The following MARCHF1 variants were observed in gnomAD, a reference collection of about 807,000 sequenced individuals.
MARCHF1 encodes the protein E3 ubiquitin-protein ligase MARCHF1.
MARCHF1 carries 40 observed loss-of-function variants against 54.2 expected under a neutral mutation model. The observed-to-expected ratio is 0.74, with a 90% CI of 0.57 to 0.96. MARCHF1 has a LOEUF of 0.96. Ranked by LOEUF, MARCHF1 falls within the 40% of genes least tolerant of loss-of-function variation. The pLI is 0.00. For synonymous variants in MARCHF1, 236 were observed against 236.3 expected (o/e 1.00, Z 0.01); for missense variants, 586 against 656.5 (o/e 0.89, Z 1.17).
intron 8 of MARCHF1, among the ~76,000 whole-genome samples, chr4:163,557,494 T>C (rs1353547316): frequency 6.6e-6 from 1 of 152,132 alleles, no homozygotes; most frequent in Non-Finnish European, 1.5e-5. Context: ...GGTGTGTTTT[T>C]TTGTAATGAT....
chr4:163,627,898 T>G (rs963978826), intron 5 of MARCHF1, among the ~76,000 whole-genome samples: 1 of 151,858 alleles, frequency 6.6e-6, no homozygotes, highest in Non-Finnish European at 1.5e-5. Context: ...AAAATGAATC[T>G]CAACCCTTAC....
chr4:163,733,209 A>ACACATG (rs1326898710), intron 4 of MARCHF1, among the ~76,000 whole-genome samples: 9 of 35,742 alleles, frequency 2.5e-4, no homozygotes, highest in African/African-American at 6.5e-4. Flanking sequence ...ATATATATAT[A>ACACATG]TATATATATA....
At chr4:163,599,367 C>T (rs375378678) in intron 7 of MARCHF1, among the ~76,000 whole-genome samples, 1 of 151,714 alleles carries the variant, frequency 6.6e-6, no homozygotes, top group South Asian at 2.1e-4. Context: ...AAAACATACA[C>T]ATTAGCTTAT....
In MARCHF1 at chr4:163,612,700, G is replaced by A. The variant is rs991994139; in HGVS notation, c.581C>T (p.Pro194Leu). The change falls in exon 7 of 10, where the codon CCG becomes CTG. Residue 194 changes from proline (P) to leucine (L), a missense_variant. Coordinates refer to ENST00000514618, the MANE Select transcript of MARCHF1 (RefSeq NM_001394959.1). ...SRRRRRNNNK[P>L]CENLAGSSTP... Reference sequence around the variant, plus strand: ...GGAAGACCCAGCTAAGTTTTCACACGGCTTATTATTATTTCTCCTCCTTCT... The same window carrying A: ...GGAAGACCCAGCTAAGTTTTCACACAGCTTATTATTATTTCTCCTCCTTCT... 27 of 1,535,316 alleles carry A rather than the reference G, an allele frequency of 1.8e-5. No individual in the cohort carries two copies. Among genetic ancestry groups the A allele is most frequent in the African/African-American group, 2.7e-5 (2 of 72,948 alleles).
chr4:164,166,493 C>T (rs1030732468), intron 1 of MARCHF1, among the ~76,000 whole-genome samples: 4 of 151,902 alleles, frequency 2.6e-5, no homozygotes, highest in African/African-American at 4.8e-5. Context: ...AGAAGGAAAA[C>T]ATCCCAACAT....
intron 2 of MARCHF1, among the ~76,000 whole-genome samples, chr4:164,099,824 T>C (rs11937578): frequency 0.051 from 7,829 of 152,170 alleles, 675 homozygotes; most frequent in African/African-American, 0.18. Flanking sequence ...GCTGTGAAAA[T>C]TGTGAATCTA....
At chr4:163,688,700 C>T (rs191115794) in intron 5 of MARCHF1, among the ~76,000 whole-genome samples, 120 of 151,990 alleles carry the variant, frequency 7.9e-4, no homozygotes, top group African/African-American at 2.6e-3. Context: ...AAAATCCAGA[C>T]GGAGAAAATA....
chr4:163,622,369 T>C (rs929539484), intron 5 of MARCHF1, among the ~76,000 whole-genome samples: 1 of 151,314 alleles, frequency 6.6e-6, no homozygotes, highest in African/African-American at 2.4e-5. Flanking sequence ...TATCAGGAAA[T>C]GGAAGGGGAA....
At chr4:163,960,026 A>G (rs1047429224) in intron 3 of MARCHF1, among the ~76,000 whole-genome samples, 1 of 152,062 alleles carries the variant, frequency 6.6e-6, no homozygotes, top group Non-Finnish European at 1.5e-5. Context: ...AAAAGATAAT[A>G]TACATGCGGC....
chr4:163,990,681 A>C (rs1401159147), intron 2 of MARCHF1, among the ~76,000 whole-genome samples: 1 of 152,182 alleles, frequency 6.6e-6, no homozygotes, highest in Non-Finnish European at 1.5e-5. Flanking sequence ...GGCCTGTGTG[A>C]GAAGTTCCTT....
At chr4:164,364,048 G>A (rs1265004204) in intron 1 of MARCHF1, among the ~76,000 whole-genome samples, 4 of 151,874 alleles carry the variant, frequency 2.6e-5, no homozygotes, top group South Asian at 2.1e-4. Context: ...ATTATATTGC[G>A]TAAACATCTA....
chr4:164,374,294 ATTAAT>A (rs1407966566), intron 1 of MARCHF1, among the ~76,000 whole-genome samples: 1 of 152,166 alleles, frequency 6.6e-6, no homozygotes, highest in Non-Finnish European at 1.5e-5. Flanking sequence ...TCCAATAATT[ATTAAT>A]TTAAATTGTT....
chr4:163,552,985 A>T (rs948985974), intron 8 of MARCHF1, among the ~76,000 whole-genome samples: 41 of 149,328 alleles, frequency 2.7e-4, no homozygotes, highest in African/African-American at 1.0e-3. Context: ...GTGAGCCGAG[A>T]TCGCGCCACT....
At chr4:164,315,805 C>T (rs1039123223) in intron 1 of MARCHF1, among the ~76,000 whole-genome samples, 10 of 152,166 alleles carry the variant, frequency 6.6e-5, no homozygotes, top group South Asian at 2.1e-4. Context: ...ATTTACACTA[C>T]GTTAATCATA....
intron 1 of MARCHF1, among the ~76,000 whole-genome samples, chr4:164,269,699 G>A (rs1350521948): frequency 6.6e-6 from 1 of 151,964 alleles, no homozygotes; most frequent in African/African-American, 2.4e-5. Flanking sequence ...TTCTTTGCAT[G>A]TTTGCTAGAA....
intron 4 of MARCHF1, among the ~76,000 whole-genome samples, chr4:163,844,572 G>A (rs1749432484): frequency 6.6e-6 from 1 of 152,138 alleles, no homozygotes; most frequent in Admixed American, 6.6e-5. Flanking sequence ...TTGTTGCATA[G>A]TATAGTGTTT....
At chr4:163,597,928 T>G (rs2110874322) in intron 7 of MARCHF1, among the ~76,000 whole-genome samples, 1 of 152,302 alleles carries the variant, frequency 6.6e-6, no homozygotes, top group African/African-American at 2.4e-5. Flanking sequence ...TATGATTAAT[T>G]TTATATCCCA....
At position 163,612,533 on chromosome 4, in the gene MARCHF1, C is replaced by G. The variant is rs1741377225; in HGVS notation, c.748G>C (p.Gly250Arg). 6.5e-7 allele frequency: 1 copy of G among 1,535,346 alleles called. No individual in the cohort carries two copies. The highest frequency in any genetic ancestry group is 8.7e-7 in the Non-Finnish European group (1 of 1,146,532). Residue 250 changes from glycine to arginine, a missense_variant, in exon 7 of 10, where the codon GGG (glycine) becomes CGG (arginine). By Grantham distance (125) the Gly-to-Arg change is moderately radical (BLOSUM62 -2). Transcript: ENST00000514618. ...GAGGATCTCTTAATTTCAGAGGACC[C>G]TTGAGTCAGAGAAGGGTTGCATTCT... is the stretch of plus-strand genomic sequence containing the variant. ...YQECNPSLTQ[G>R]SSEIKRSSRN...
At chr4:163,922,623 G>A (rs1286216825) in intron 3 of MARCHF1, among the ~76,000 whole-genome samples, 2 of 152,152 alleles carry the variant, frequency 1.3e-5, no homozygotes, top group Non-Finnish European at 2.9e-5. Flanking sequence ...TGTTGAATTA[G>A]TAGTGTTTGC....
Sources: gnomAD v4.1 joint callset for allele counts (sites outside exome capture counted in the v4.1 genomes callset) on GRCh38, gnomAD v4.1.1 for gene constraint, MANE v1.5 for transcripts, NCBI Gene and HGNC (gene_info 2026-07-23, HGNC 2026-07-21) for gene names.